Variants in MSRA observed in about 807,000 individuals in gnomAD.
The protein encoded by MSRA is methionine sulfoxide reductase A, also known as mitochondrial peptide methionine sulfoxide reductase.
A neutral mutation model predicts 31.3 loss-of-function variants in MSRA; 54 were observed. The ratio of observed to expected loss-of-function variants is 1.73; its 90% CI spans 1.39 to 2.17. The LOEUF is 2.17. Ranked by LOEUF, MSRA falls within the 30% of genes most tolerant of loss-of-function variation. The pLI, the probability that MSRA is intolerant of heterozygous loss-of-function variation, is 0.00. For missense variants in MSRA, 507 were observed against 300.9 expected, an observed-to-expected ratio of 1.69 and a Z score of -5.07; for synonymous variants, 169 against 116.5, an observed-to-expected ratio of 1.45 and a Z score of -2.90.
At chr8:10,310,353 A>AT (rs1354464111) in intron 4 of MSRA, among the ~76,000 whole-genome samples, 2 of 152,232 alleles carry the variant, frequency 1.3e-5, no homozygotes, top group Admixed American at 6.5e-5. Context: ...TTTAACTGAT[A>AT]TTTTTATTAA....
intron 5 of MSRA, among the ~76,000 whole-genome samples, chr8:10,335,248 C>A (rs1238759299): frequency 1.1e-5 from 1 of 93,210 alleles, no homozygotes; most frequent in Non-Finnish European, 2.1e-5. Context: ...CCTCCCAGCT[C>A]TGTTTTTTTT....
intron 1 of MSRA, among the ~76,000 whole-genome samples, chr8:10,080,072 G>T (rs1222779193): frequency 6.6e-6 from 1 of 152,070 alleles, no homozygotes; most frequent in Non-Finnish European, 1.5e-5. Flanking sequence ...CTTCTTTCTT[G>T]CATGGTCTCA....
intron 3 of MSRA, among the ~76,000 whole-genome samples, chr8:10,283,327 C>G (rs1002306378): frequency 2.0e-5 from 3 of 152,134 alleles, no homozygotes; most frequent in Non-Finnish European, 4.4e-5. Flanking sequence ...TCAGAACCCT[C>G]TTCATATTTA....
At chr8:10,071,741 G>T (rs1797741624) in intron 1 of MSRA, among the ~76,000 whole-genome samples, 1 of 152,128 alleles carries the variant, frequency 6.6e-6, no homozygotes, top group African/African-American at 2.4e-5. Context: ...ACAGAACTCT[G>T]TGTACTGGTG....
chr8:10,311,268 A>G (rs2129132045), intron 4 of MSRA, among the ~76,000 whole-genome samples: 1 of 152,350 alleles, frequency 6.6e-6, no homozygotes, highest in South Asian at 2.1e-4. Context: ...GGCTGACAGA[A>G]CTATGAGGAA....
In MSRA at chr8:10,239,151, C is replaced by G. The variant is rs528881126; in HGVS notation, c.212-5953C>G. Among the ~76,000 whole-genome samples, 60 of 152,074 alleles carry G rather than the reference C, an allele frequency of 3.9e-4. 1 individual carries two copies. Among genetic ancestry groups the G allele is most frequent in the Middle Eastern group, 3.4e-3 (1 of 294 alleles). ...GATGCTCAACCTCAGTGGTGATTAG[C>G]TATGTATATGACATAATTTTTTTTT... On this transcript the variant is annotated intron_variant, in intron 2 of 5. Coordinates refer to ENST00000317173, the MANE Select transcript of MSRA (RefSeq NM_012331.5).
At chr8:10,104,182 G>C (rs750111011) in intron 1 of MSRA, among the ~76,000 whole-genome samples, 34 of 152,298 alleles carry the variant, frequency 2.2e-4, no homozygotes, top group Non-Finnish European at 3.4e-4. Flanking sequence ...ACATCTGGGT[G>C]ATCTCTAGAG....
chr8:10,180,224 C>T (rs1806420839), intron 1 of MSRA, among the ~76,000 whole-genome samples: 1 of 152,140 alleles, frequency 6.6e-6, no homozygotes, highest in South Asian at 2.1e-4. Flanking sequence ...TCACAGATCT[C>T]AGAATAACAG....
chr8:10,126,000 C>T (rs548557712), intron 1 of MSRA, among the ~76,000 whole-genome samples: 2 of 152,324 alleles, frequency 1.3e-5, no homozygotes, highest in East Asian at 1.9e-4. Flanking sequence ...TCCTACAGAA[C>T]TCAGCCAACT....
At chr8:10,131,025 T>C (rs141752528) in intron 1 of MSRA, among the ~76,000 whole-genome samples, 199 of 152,300 alleles carry the variant, frequency 1.3e-3, no homozygotes, top group African/African-American at 4.6e-3. Flanking sequence ...CTCAGCTTGT[T>C]TTTGCAAACT....
At chr8:10,060,491 CAT>C (rs1462862436) in intron 1 of MSRA, among the ~76,000 whole-genome samples, 1 of 152,186 alleles carries the variant, frequency 6.6e-6, no homozygotes, top group Non-Finnish European at 1.5e-5. Flanking sequence ...GGATGGAAGA[CAT>C]AGACTTTTGA....
intron 1 of MSRA, among the ~76,000 whole-genome samples, chr8:10,119,349 A>G (rs1800934726): frequency 6.6e-6 from 1 of 152,210 alleles, no homozygotes; most frequent in African/African-American, 2.4e-5. Flanking sequence ...GGATCCTGCT[A>G]TTTGAATCTT....
chr8:10,177,108 C>G (rs1286018603), intron 1 of MSRA, among the ~76,000 whole-genome samples: 3 of 152,116 alleles, frequency 2.0e-5, no homozygotes, highest in African/African-American at 7.2e-5. Context: ...CAATGAGTCT[C>G]TTGTATCTTT....
chr8:10,417,849 A>T (rs1425874607), intron 5 of MSRA, among the ~76,000 whole-genome samples: 1 of 150,442 alleles, frequency 6.6e-6, no homozygotes, highest in Non-Finnish European at 1.5e-5. Flanking sequence ...ATGTGGAGGG[A>T]ATTGAAGTGG....
chr8:10,350,386 G>C (rs538372356), intron 5 of MSRA, among the ~76,000 whole-genome samples: 1 of 152,210 alleles, frequency 6.6e-6, no homozygotes, highest in African/African-American at 2.4e-5. Flanking sequence ...GGACAGCGCC[G>C]GCCGGATGCT....
intron 2 of MSRA, among the ~76,000 whole-genome samples, chr8:10,221,713 G>A (rs1465729764): frequency 3.3e-5 from 5 of 152,212 alleles, no homozygotes; most frequent in Non-Finnish European, 5.9e-5. Context: ...GATAAGTGCT[G>A]TTGATTAAAA....
rs143517547 is a variant in MSRA, at chr8:10,153,213, C to T, written c.143-54620C>T. Reference sequence around the variant, plus strand: ...ATGAGTGAAGCTTATTAAGGATAGACAGCAGATGGCTGAGAAGTTGGCCTG... The same window carrying T: ...ATGAGTGAAGCTTATTAAGGATAGATAGCAGATGGCTGAGAAGTTGGCCTG... On this transcript the variant is annotated intron_variant, in intron 1 of 5. Coordinates refer to ENST00000317173, the MANE Select transcript of MSRA (RefSeq NM_012331.5). Among the ~76,000 whole-genome samples, 200 of 152,278 alleles carry T rather than the reference C, an allele frequency of 1.3e-3. 1 individual carries two copies. The highest frequency in any genetic ancestry group is 4.5e-3 in the African/African-American group (188 of 41,556).
chr8:10,153,984 T>G (rs1357634863), intron 1 of MSRA, among the ~76,000 whole-genome samples: 1 of 152,240 alleles, frequency 6.6e-6, no homozygotes, highest in Non-Finnish European at 1.5e-5. Context: ...CATGTGGATA[T>G]TCAATGCCTT....
chr8:10,227,776 ATATC>A (rs1444222263), intron 2 of MSRA, among the ~76,000 whole-genome samples: 1 of 152,210 alleles, frequency 6.6e-6, no homozygotes, highest in African/African-American at 2.4e-5. Flanking sequence ...AATACTGAAA[ATATC>A]AATCAACCGC....
Sources: allele counts gnomAD v4.1 joint callset (sites outside exome capture counted in the v4.1 genomes callset), GRCh38; gene constraint gnomAD v4.1.1; transcripts MANE v1.5; gene names NCBI Gene and HGNC (gene_info 2026-07-23, HGNC 2026-07-21).